The following TTC39C variants were observed in gnomAD, a reference collection of about 807,000 sequenced individuals.
TTC39C encodes tetratricopeptide repeat protein 39C.
TTC39C carries 33 observed loss-of-function variants against 76.3 expected under a neutral mutation model. That is an observed-to-expected ratio of 0.43 (90% CI 0.33 to 0.58). The LOEUF is 0.58. Among genes scored for constraint, TTC39C ranks in the 20% least tolerant of loss-of-function variants. The pLI is 0.04. For missense variants in TTC39C, 595 were observed against 701.4 expected, an observed-to-expected ratio of 0.85 and a Z score of 1.71; for synonymous variants, 254 against 260.6, an observed-to-expected ratio of 0.97 and a Z score of 0.24.
chr18:24,081,318 T>C (rs2084372982), intron 5 of TTC39C, among the ~76,000 whole-genome samples: 1 of 152,238 alleles, frequency 6.6e-6, no homozygotes, highest in African/African-American at 2.4e-5. Flanking sequence ...TATAAAGAAT[T>C]CTCACATTGG....
At chr18:24,074,292 C>T (rs908248132) in intron 4 of TTC39C, among the ~76,000 whole-genome samples, 7 of 152,100 alleles carry the variant, frequency 4.6e-5, no homozygotes, top group Admixed American at 3.9e-4. Flanking sequence ...CCTGGTAGGA[C>T]GTTTTTGCCT....
chr18:24,081,598 A>G (rs1051239639), intron 5 of TTC39C, among the ~76,000 whole-genome samples: 19 of 152,190 alleles, frequency 1.2e-4, no homozygotes, highest in African/African-American at 4.3e-4. Context: ...GATTCCGGAT[A>G]TTCTTTGTCT....
rs139657771 is a variant in TTC39C, at chr18:24,044,991, A to G, written c.168-19149A>G. On this transcript the variant is annotated intron_variant, in intron 1 of 13. Coordinates refer to ENST00000317571, the MANE Select transcript of TTC39C (RefSeq NM_001135993.2). ...TGTTAGAATGTAGAGTCTCCGGGCC[A>G]GGTGCGGTGGCTCACACCTGTAATC... Among the ~76,000 whole-genome samples, 43 of 152,126 alleles carry G rather than the reference A, an allele frequency of 2.8e-4. No homozygotes were observed. In the East Asian group the frequency reaches 6.0e-3, roughly 21 times the overall value.
At chr18:24,118,293 G>A in intron 8 of TTC39C, 61 bp downstream of exon 8, 1 of 1,326,250 alleles carries the variant, frequency 7.5e-7, no homozygotes, top group Non-Finnish European at 1.1e-6. Flanking sequence ...CGCCTGACGT[G>A]GGCAGATGGG....
upstream of TTC39C, among the ~76,000 whole-genome samples, chr18:24,011,047 A>T (rs1472220974): frequency 1.3e-5 from 2 of 152,196 alleles, no homozygotes; most frequent in African/African-American, 4.8e-5. Context: ...ACCCTGTCTC[A>T]AGAAAAAAAC....
intron 6 of TTC39C, among the ~76,000 whole-genome samples, chr18:24,084,117 A>T (rs1191423068): frequency 1.3e-5 from 2 of 152,136 alleles, no homozygotes; most frequent in Non-Finnish European, 2.9e-5. Flanking sequence ...TTAAATCTGA[A>T]GACCATGCAG....
chr18:24,041,700 T>G (rs971547771), intron 1 of TTC39C, among the ~76,000 whole-genome samples: 7 of 152,242 alleles, frequency 4.6e-5, no homozygotes, highest in African/African-American at 1.7e-4. Flanking sequence ...GTGCATTATG[T>G]TATTTTTCTT....
intron 1 of TTC39C, among the ~76,000 whole-genome samples, chr18:24,034,043 TG>T (rs2083705805): frequency 6.6e-6 from 1 of 152,186 alleles, no homozygotes; most frequent in Non-Finnish European, 1.5e-5. Context: ...TGAGGGACTG[TG>T]GATGTGCAGC....
intron 1 of TTC39C, among the ~76,000 whole-genome samples, chr18:24,051,284 C>T (rs1362668631): frequency 6.6e-6 from 1 of 152,218 alleles, no homozygotes; most frequent in African/African-American, 2.4e-5. Flanking sequence ...TTCTCAGCAC[C>T]AGCCAGCGTA....
In TTC39C at chr18:24,082,944, C is replaced by T. The variant is rs150902504; in HGVS notation, c.847C>T (p.Arg283Cys). ...TCTGCTCTGGTATCATACTGTAGTC[C>T]GCCCGTTTTTTGCCTTGGATGGCAG... ...LALLWYHTVVRPFFALDGSDN... is the reference protein window; with the variant it reads ...LALLWYHTVVCPFFALDGSDN... Residue 283 changes from arginine (R) to cysteine (C), a missense_variant, in exon 6 of 14, where the codon CGC becomes TGC. Coordinates refer to ENST00000317571, the MANE Select transcript of TTC39C (RefSeq NM_001135993.2). The T allele has an allele frequency of 1.6e-4, 264 of 1,613,700 alleles. 4 individuals carry two copies. In the African/African-American group the frequency reaches 3.1e-3, roughly 19 times the overall value.
chr18:24,065,202 T>A (rs2084151338), intron 2 of TTC39C, among the ~76,000 whole-genome samples: 1 of 152,032 alleles, frequency 6.6e-6, no homozygotes, highest in African/African-American at 2.4e-5. Context: ...TTGGCTAGAA[T>A]GGAAAAGTAG....
intron 3 of TTC39C, among the ~76,000 whole-genome samples, chr18:24,066,678 C>G (rs1366607548): frequency 6.6e-6 from 1 of 152,228 alleles, no homozygotes; most frequent in East Asian, 1.9e-4. Context: ...ACATACGTCA[C>G]TGACAAATCA....
At chr18:24,023,991 TATATATA>T (rs2083560414) in intron 1 of TTC39C, among the ~76,000 whole-genome samples, 3 of 5,398 alleles carry the variant, frequency 5.6e-4, no homozygotes, top group African/African-American at 1.7e-3. Flanking sequence ...CATATATATA[TATATATA>T]TATATATATA....
chr18:24,118,073 G>A (rs2084918718), intron 7 of TTC39C, 52 bp from the exon 8 acceptor site: 12 of 1,479,498 alleles, frequency 8.1e-6, no homozygotes, highest in Non-Finnish European at 1.1e-5. Flanking sequence ...TTAAATATGG[G>A]TCATAGAGCT....
chr18:24,063,018 A>G (rs1055999241), intron 1 of TTC39C, among the ~76,000 whole-genome samples: 1 of 152,250 alleles, frequency 6.6e-6, no homozygotes, highest in Non-Finnish European at 1.5e-5. Context: ...TTATAGTCAG[A>G]GATTGAATAA....
chr18:24,117,152 T>A (rs566428066), intron 7 of TTC39C, among the ~76,000 whole-genome samples: 1 of 152,262 alleles, frequency 6.6e-6, no homozygotes, highest in South Asian at 2.1e-4. Context: ...TGCAAGGTTG[T>A]CATAAGGATT....
chr18:24,019,804 G>A (rs1417477303), intron 1 of TTC39C: 11 of 1,411,632 alleles, frequency 7.8e-6, no homozygotes, highest in African/African-American at 1.4e-5. Context: ...AATGAGTAGT[G>A]TCAGAGACCA....
At chr18:24,009,409 G>T (rs1259278183) in intron 1 of TTC39C, among the ~76,000 whole-genome samples, 1 of 152,120 alleles carries the variant, frequency 6.6e-6, no homozygotes, top group Non-Finnish European at 1.5e-5. Flanking sequence ...CAAGTCAGTA[G>T]ACAGACAAGA....
chr18:24,005,672 C>G (rs1295153915), intron 1 of TTC39C, among the ~76,000 whole-genome samples: 1 of 150,678 alleles, frequency 6.6e-6, no homozygotes, highest in East Asian at 1.9e-4. Flanking sequence ...AAAGCGAGAC[C>G]CTGTCTCTAA....
Sources: allele counts gnomAD v4.1 joint callset (sites outside exome capture counted in the v4.1 genomes callset), GRCh38; gene constraint gnomAD v4.1.1; transcripts MANE v1.5; gene names NCBI Gene and HGNC (gene_info 2026-07-23, HGNC 2026-07-21).